The following ENPP1 variants were observed in gnomAD, a reference collection of about 807,000 sequenced individuals.
ENPP1 encodes the protein ectonucleotide pyrophosphatase/phosphodiesterase family member 1.
A neutral mutation model predicts 122.8 loss-of-function variants in ENPP1; 73 were observed. That is an observed-to-expected ratio of 0.59 (90% CI 0.49 to 0.72). The LOEUF (loss-of-function observed/expected upper bound fraction) is 0.72. ENPP1 is among the 30% of genes least tolerant of loss of function. The pLI is 0.00. For missense variants in ENPP1, 978 were observed against 1,128.1 expected (o/e 0.87, Z 1.91); for synonymous variants, 367 against 391.6 (o/e 0.94, Z 0.74).
chr6:131,815,871 A>ATTTTTT (rs750091125), intron 1 of ENPP1, among the ~76,000 whole-genome samples: 7 of 115,842 alleles, frequency 6.0e-5, no homozygotes, highest in Non-Finnish European at 6.9e-5. Flanking sequence ...CACCTGGCTA[A>ATTTTTT]TTTTTTTTTT....
At chr6:131,875,958 G>GA (rs1782226368) in intron 17 of ENPP1, 95 bp downstream of exon 17, 2 of 946,996 alleles carry the variant, frequency 2.1e-6, no homozygotes, top group African/African-American at 3.2e-5. Flanking sequence ...TTGTGGAGAT[G>GA]ATGGTGAGGC....
chr6:131,825,736 A>C (rs753973432), intron 1 of ENPP1, among the ~76,000 whole-genome samples: 1 of 152,234 alleles, frequency 6.6e-6, no homozygotes, highest in Non-Finnish European at 1.5e-5. Flanking sequence ...TTATTTTAAG[A>C]TTCCTTATCC....
At chr6:131,868,977 C>A (rs1782123406) in intron 12 of ENPP1, among the ~76,000 whole-genome samples, 1 of 152,054 alleles carries the variant, frequency 6.6e-6, no homozygotes, top group African/African-American at 2.4e-5. Context: ...AAGTTACATG[C>A]AAAGAAGTAC....
chr6:131,824,832 C>G (rs139389655), intron 1 of ENPP1, among the ~76,000 whole-genome samples: 8 of 151,978 alleles, frequency 5.3e-5, no homozygotes, highest in African/African-American at 1.9e-4. Context: ...AGGCTGAGGC[C>G]GGCAGATCAC....
At chr6:131,886,129 A>G (rs1782374176) in intron 23 of ENPP1, among the ~76,000 whole-genome samples, 1 of 152,230 alleles carries the variant, frequency 6.6e-6, no homozygotes, top group Non-Finnish European at 1.5e-5. Flanking sequence ...TCATGACAAC[A>G]TGTCCTCTCT....
chr6:131,880,575 A>AAAG (rs1782291058), intron 20 of ENPP1, among the ~76,000 whole-genome samples: 1 of 151,590 alleles, frequency 6.6e-6, no homozygotes, highest in Non-Finnish European at 1.5e-5. Context: ...TCAAAAAAAA[A>AAAG]AAAGAAAGAA....
chr6:131,869,201 C>T (rs1368444699), intron 12 of ENPP1, among the ~76,000 whole-genome samples, 157 bp from the exon 13 acceptor site: 1 of 152,158 alleles, frequency 6.6e-6, no homozygotes, highest in Non-Finnish European at 1.5e-5. Context: ...GTGATAGGTA[C>T]AGCTGAAATT....
chr6:131,855,968 G>A (rs902994360), intron 6 of ENPP1, among the ~76,000 whole-genome samples: 1 of 151,906 alleles, frequency 6.6e-6, no homozygotes, highest in Non-Finnish European at 1.5e-5. Context: ...CTAAAATATT[G>A]CTTACCAGAT....
At chr6:131,867,134 C>T (rs1461206346) in intron 11 of ENPP1, among the ~76,000 whole-genome samples, 1 of 152,206 alleles carries the variant, frequency 6.6e-6, no homozygotes, top group Non-Finnish European at 1.5e-5. Context: ...CACCAAAACC[C>T]ACTTTATCTT....
chr6:131,817,768 C>G (rs1249775899), intron 1 of ENPP1, among the ~76,000 whole-genome samples: 1 of 151,512 alleles, frequency 6.6e-6, no homozygotes, highest in African/African-American at 2.4e-5. Context: ...CACACACACA[C>G]ACACACACAC....
intron 11 of ENPP1, among the ~76,000 whole-genome samples, chr6:131,866,200 T>C (rs1782089229): frequency 6.6e-6 from 1 of 152,082 alleles, no homozygotes; most frequent in Non-Finnish European, 1.5e-5. Flanking sequence ...GTAGTGATCT[T>C]GTGCCCCCTG....
chr6:131,877,418 A>C (rs996603902), intron 18 of ENPP1: 3 of 509,422 alleles, frequency 5.9e-6, no homozygotes, highest in Non-Finnish European at 1.1e-5. Context: ...AAGTCTAGTT[A>C]GTTGACTTGG....
chr6:131,808,065 G>C lies in ENPP1; in HGVS notation c.30G>C (p.Gly10=). ...AGCGCGACGGCTGCGCGGGGGGCGG[G>C]AGCCGCGGCGGCGAGGGCGGGCGCG... MERDGCAGG[G]SRGGEGGRAP... is the part of the protein sequence containing the mutation. The change falls in exon 1 of 25, where the codon GGG becomes GGC. Residue 10 remains glycine, a synonymous_variant. Transcript: ENST00000647893. 1 of 967,746 alleles carries C rather than the reference G, an allele frequency of 1.0e-6. No homozygotes were observed. Among genetic ancestry groups the C allele is most frequent in the Non-Finnish European group, 1.2e-6 (1 of 814,102 alleles). The allele number at this position is 967,746 out of a possible 1,614,324, so 59.9% of individuals were successfully genotyped here. A position where few individuals can be genotyped will look rare whatever the true frequency, so the allele number is the denominator to read the frequency against.
At chr6:131,882,318 A>G (rs374049407) in intron 20 of ENPP1, 27 bp from the exon 21 acceptor site, 92 of 1,555,530 alleles carry the variant, frequency 5.9e-5, no homozygotes, top group Middle Eastern at 1.7e-4. Flanking sequence ...CTGATATCTG[A>G]GAGTTCTTCT....
At position 131,894,167 on chromosome 6, in the gene ENPP1, G is replaced by GATGGTCTC. The variant is rs1262377614; in HGVS notation, c.*3657_*3664dup. The GATGGTCTC allele has an allele frequency of 2.0e-5, 3 of 151,990 alleles. No homozygotes were observed. The highest frequency in any genetic ancestry group is 7.3e-5 in the African/African-American group (3 of 41,320). 9.4% of individuals were successfully genotyped at this position (151,990 alleles called of 1,614,324 possible). Reference sequence around the variant, plus strand: ...AATGGAGTTTCACCGTGTTAGCCAGGATGGTCTCGATCTCCTGACCTTGTG... The same window carrying GATGGTCTC: ...AATGGAGTTTCACCGTGTTAGCCAGGATGGTCTCATGGTCTCGATCTCCTGACCTTGTG... On this transcript the variant is annotated 3_prime_UTR_variant, in exon 25 of 25. Coordinates refer to ENST00000647893, the MANE Select transcript of ENPP1 (RefSeq NM_006208.3).
At chr6:131,865,038 T>C (rs1782072174) in intron 11 of ENPP1, 100 bp downstream of exon 11, 1 of 800,564 alleles carries the variant, frequency 1.2e-6, no homozygotes, top group Admixed American at 1.8e-5. Context: ...GATTCTATCA[T>C]TTCTGGAAAA....
At chr6:131,827,797 G>A (rs1781563428) in intron 1 of ENPP1, 1 of 934,928 alleles carries the variant, frequency 1.1e-6, no homozygotes, top group Non-Finnish European at 1.7e-6. Flanking sequence ...CTGCAGGTGG[G>A]GCAATGACTG....
intron 1 of ENPP1, chr6:131,826,378 G>A: frequency 9.5e-7 from 1 of 1,049,946 alleles, no homozygotes; most frequent in Non-Finnish European, 1.5e-6. Flanking sequence ...AAGCTGCTAG[G>A]GCAGATTCTC....
In ENPP1 at chr6:131,876,391, G is replaced by C. The variant is rs180924318; in HGVS notation, c.1723+528G>C. ...ATATTAGTTTCTTATTCTGATAATG[G>C]TCCTAGGCATCTGCAAAACCTTAAA... On this transcript the variant is annotated intron_variant, in intron 17 of 24. Coordinates refer to ENST00000647893, the MANE Select transcript of ENPP1 (RefSeq NM_006208.3). Among the ~76,000 whole-genome samples, 5 of 152,274 alleles carry C rather than the reference G, an allele frequency of 3.3e-5. No homozygotes were observed. The East Asian group carries it at 9.6e-4, about 29-fold the overall frequency.
Sources: gnomAD v4.1 joint callset for allele counts (sites outside exome capture counted in the v4.1 genomes callset) on GRCh38, gnomAD v4.1.1 for gene constraint, MANE v1.5 for transcripts, NCBI Gene and HGNC (gene_info 2026-07-23, HGNC 2026-07-21) for gene names.